Variants in PLAGL2 observed in about 807,000 individuals in gnomAD.
PLAGL2 encodes zinc finger protein PLAGL2.
Under a neutral mutation model 29.0 loss-of-function variants are expected in PLAGL2, and 7 were observed. The ratio of observed to expected loss-of-function variants is 0.24; its 90% CI spans 0.14 to 0.45. The LOEUF is 0.45. PLAGL2 is among the 20% of genes least tolerant of loss of function. The pLI is 0.99. For missense variants in PLAGL2, 454 were observed against 648.2 expected, an observed-to-expected ratio of 0.70 and a Z score of 3.25; for synonymous variants, 234 against 266.0, an observed-to-expected ratio of 0.88 and a Z score of 1.17.
chr20:32,207,172 A>C (rs375061216), intron 1 of PLAGL2, among the ~76,000 whole-genome samples: 5 of 152,234 alleles, frequency 3.3e-5, no homozygotes, highest in African/African-American at 9.6e-5. Flanking sequence ...GAGTTATGTA[A>C]GTCTGGAAAA....
chr20:32,194,592 G>C lies in PLAGL2; in HGVS notation c.*1860C>G, dbSNP rs2047218202. The C allele has an allele frequency of 6.6e-6, 1 of 152,640 alleles. No individual in the cohort carries two copies. The highest frequency in any genetic ancestry group is 1.5e-5 in the Non-Finnish European group (1 of 68,050). 9.5% of individuals were successfully genotyped at this position (152,640 alleles called of 1,614,324 possible). On this transcript the variant is annotated 3_prime_UTR_variant, in exon 3 of 3. Transcript: ENST00000246229. ...ATTTTAAGGCTTTTACCTCAAACAA[G>C]GAGTACTGGCTTAGGCTGAAGCAGA... is the stretch of plus-strand genomic sequence containing the variant.
intron 2 of PLAGL2, among the ~76,000 whole-genome samples, chr20:32,199,169 G>A (rs112273590): frequency 3.2e-4 from 49 of 152,246 alleles, no homozygotes; most frequent in African/African-American, 1.1e-3. Context: ...ACAGGCCTTC[G>A]GAAGACCTAT....
intron 1 of PLAGL2, among the ~76,000 whole-genome samples, chr20:32,203,464 A>C (rs1455049650): frequency 1.3e-5 from 2 of 152,214 alleles, no homozygotes; most frequent in Non-Finnish European, 2.9e-5. Context: ...ACCCACATTC[A>C]TACTCCCAAG....
chr20:32,198,518 T>C (rs2047241813), intron 2 of PLAGL2, among the ~76,000 whole-genome samples: 1 of 152,176 alleles, frequency 6.6e-6, no homozygotes, highest in Non-Finnish European at 1.5e-5. Context: ...CATGCACCTG[T>C]AGTCCTAGCT....
intron 1 of PLAGL2, among the ~76,000 whole-genome samples, chr20:32,206,975 A>C (rs73903573): frequency 0.067 from 10,179 of 152,144 alleles, 1,198 homozygotes; most frequent in African/African-American, 0.23. Flanking sequence ...ATGGGGGATT[A>C]TAAGGGCTGG....
At chr20:32,206,061 T>C (rs1176223698) in intron 1 of PLAGL2, among the ~76,000 whole-genome samples, 1 of 152,170 alleles carries the variant, frequency 6.6e-6, no homozygotes, top group Non-Finnish European at 1.5e-5. Flanking sequence ...GAACGTTCCT[T>C]GGGATAGAAT....
Position 32,193,932 on chromosome 20 carries a change from AGAG to A in PLAGL2, c.*2517_*2519del, listed in dbSNP as rs1436229445. On this transcript the variant is annotated 3_prime_UTR_variant, in exon 3 of 3. Transcript: ENST00000246229. The stretch of plus-strand genomic sequence containing the variant: ...TTCCTTGTGGGTGCTGAGGACACTG[AGAG>A]GAGGAAAGGAAAGACAGGATAGATG... 1 of 152,760 alleles carries A rather than the reference AGAG, an allele frequency of 6.5e-6. No individual in the cohort carries two copies. Among genetic ancestry groups the A allele is most frequent in the Non-Finnish European group, 1.5e-5 (1 of 68,136 alleles). The allele number at this position is 152,760 out of a possible 1,614,324, so 9.5% of individuals were successfully genotyped here.
At chr20:32,198,970 C>G (rs1427090836) in intron 2 of PLAGL2, among the ~76,000 whole-genome samples, 1 of 152,110 alleles carries the variant, frequency 6.6e-6, no homozygotes, top group African/African-American at 2.4e-5. Context: ...TTTACCTGAT[C>G]CTATATGGTT....
rs373466759 is a variant in PLAGL2, at chr20:32,196,412, A to G, written c.*40T>C. 8 of 1,422,940 alleles carry G rather than the reference A, an allele frequency of 5.6e-6. No individual in the cohort carries two copies. The highest frequency in any genetic ancestry group is 3.6e-5 in the South Asian group (2 of 55,070). The allele number at this position is 1,422,940 out of a possible 1,614,324, so 88.1% of individuals were successfully genotyped here. On this transcript the variant is annotated 3_prime_UTR_variant, in exon 3 of 3. Coordinates refer to ENST00000246229, the MANE Select transcript of PLAGL2 (RefSeq NM_002657.3). ...CAGACGGGGTGGGTACTAAGGCTCC[A>G]TAACAGAGCCAAAAACTGAGCTGAG... is the stretch of plus-strand genomic sequence containing the variant.
rs931767267 is a variant in PLAGL2, at chr20:32,193,922, G to A, written c.*2530C>T. On this transcript the variant is annotated 3_prime_UTR_variant, in exon 3 of 3. Transcript: ENST00000246229. ...GATAGGAAAATTCCTTGTGGGTGCT[G>A]AGGACACTGAGAGGAGGAAAGGAAA... 2 of 152,756 alleles carry A rather than the reference G, an allele frequency of 1.3e-5. No homozygotes were observed. The highest frequency in any genetic ancestry group is 6.5e-5 in the Admixed American group (1 of 15,284). The allele number at this position is 152,756 out of a possible 1,614,324, so 9.5% of individuals were successfully genotyped here.
chr20:32,206,836 G>A (rs1018003767), intron 1 of PLAGL2, among the ~76,000 whole-genome samples: 1 of 152,220 alleles, frequency 6.6e-6, no homozygotes, highest in Non-Finnish European at 1.5e-5. Context: ...GAGTGGATGA[G>A]GGCTGGAGAA....
rs142083285 is a variant in PLAGL2 at position 32,197,923 on chromosome 20, C to T, written c.261-241G>A. On this transcript the variant is annotated intron_variant, in intron 2 of 2. Coordinates refer to ENST00000246229, the MANE Select transcript of PLAGL2 (RefSeq NM_002657.3). This position sits in a 1 kb window ranked among gnomAD's most constrained non-coding sequence, Gnocchi z 6.6. ...CAAAAAAAATCAGAAACAATCTGAA[C>T]GTCCAATCTATCAATAGGGAACTGG... Among the ~76,000 whole-genome samples, 121 of 152,250 alleles carry T rather than the reference C, an allele frequency of 7.9e-4. No individual in the cohort carries two copies. Among genetic ancestry groups the T allele is most frequent in the Middle Eastern group, 3.4e-3 (1 of 294 alleles).
chr20:32,202,897 G>GC (rs750976019), intron 1 of PLAGL2, among the ~76,000 whole-genome samples: 27 of 152,176 alleles, frequency 1.8e-4, no homozygotes, highest in Non-Finnish European at 3.5e-4. Context: ...ATATGGGAAG[G>GC]CAACAGCAGA....
chr20:32,198,762 A>G (rs1246043625), intron 2 of PLAGL2, among the ~76,000 whole-genome samples: 1 of 152,230 alleles, frequency 6.6e-6, no homozygotes, highest in Non-Finnish European at 1.5e-5. Flanking sequence ...GAAAGAGAAT[A>G]TACATGTTTG....
At chr20:32,201,816 T>C (rs2122543222) in intron 2 of PLAGL2, 103 bp downstream of exon 2, 2 of 930,624 alleles carry the variant, frequency 2.1e-6, no homozygotes, top group East Asian at 4.9e-5. Flanking sequence ...CAAATTAACC[T>C]CCACTCTTCT....
At chr20:32,203,927 G>A (rs1242255364) in intron 1 of PLAGL2, among the ~76,000 whole-genome samples, 1 of 152,190 alleles carries the variant, frequency 6.6e-6, no homozygotes, top group Non-Finnish European at 1.5e-5. Flanking sequence ...CTGGGGAGGG[G>A]TAGGTAGCAC....
chr20:32,193,214 G>C lies in PLAGL2; in HGVS notation c.*3238C>G, dbSNP rs1226300263. On this transcript the variant is annotated 3_prime_UTR_variant, in exon 3 of 3. Transcript: ENST00000246229. ...TCCTAGATAAGAGGGCAGGTGGAGA[G>C]AGGACGGAGAAAACAGCTACCAAAA... The C allele has an allele frequency of 6.6e-6, 1 of 152,248 alleles. No individual in the cohort carries two copies. Among genetic ancestry groups the C allele is most frequent in the South Asian group, 2.1e-4 (1 of 4,830 alleles). The allele number at this position is 152,248 out of a possible 1,614,324, so 9.4% of individuals were successfully genotyped here.
intron 1 of PLAGL2, among the ~76,000 whole-genome samples, chr20:32,203,470 C>T (rs1476469747): frequency 6.6e-6 from 1 of 152,190 alleles, no homozygotes; most frequent in African/African-American, 2.4e-5. Context: ...ATTCATACTC[C>T]CAAGCTTACC....
At position 32,192,558 on chromosome 20, in the gene PLAGL2, G is replaced by A. The variant is rs1347283967; in HGVS notation, c.*3894C>T. On this transcript the variant is annotated 3_prime_UTR_variant, in exon 3 of 3. Transcript: ENST00000246229. ...AACTTCATTATAAAAACCTTTTTTT[G>A]AAAATGTAATTCTGTAAAACATTGA... 2 of 152,348 alleles carry A rather than the reference G, an allele frequency of 1.3e-5. No individual in the cohort carries two copies. Among genetic ancestry groups the A allele is most frequent in the African/African-American group, 4.8e-5 (2 of 41,376 alleles). The allele number at this position is 152,348 out of a possible 1,614,324, so 9.4% of individuals were successfully genotyped here.
Sources: allele counts gnomAD v4.1 joint callset (sites outside exome capture counted in the v4.1 genomes callset), GRCh38; gene constraint gnomAD v4.1.1; non-coding constraint Gnocchi (gnomAD v3.1); transcripts MANE v1.5; gene names NCBI Gene and HGNC (gene_info 2026-07-23, HGNC 2026-07-21).